KCNQ3: variants seen among roughly 807,000 people sequenced by gnomAD.
KCNQ3 encodes the protein potassium voltage-gated channel subfamily Q member 3.
Under a neutral mutation model 92.5 loss-of-function variants are expected in KCNQ3, and 30 were observed. The ratio of observed to expected loss-of-function variants is 0.32; its 90% CI spans 0.24 to 0.44. The LOEUF (loss-of-function observed/expected upper bound fraction) is 0.44. Ranked by LOEUF, KCNQ3 falls within the 20% of genes least tolerant of loss-of-function variation. The probability of loss-of-function intolerance (pLI) is 1.00; values close to 1 mark genes in which losing one functional copy is unlikely to be tolerated. For missense variants in KCNQ3, 913 were observed against 1,140.3 expected, an observed-to-expected ratio of 0.80 and a Z score of 2.87; for synonymous variants, 450 against 468.8, an observed-to-expected ratio of 0.96 and a Z score of 0.52.
intron 1 of KCNQ3, among the ~76,000 whole-genome samples, chr8:132,187,904 TGGTGGTGGTGGTGTTGGTGGTG>T (rs1827048823): frequency 1.1e-5 from 1 of 87,682 alleles, no homozygotes; most frequent in African/African-American, 6.4e-5. Flanking sequence ...GTGGTGGTGA[TGGTGGTGGTGGTGTTGGTGGTG>T]ATAGTGATGG....
intron 1 of KCNQ3, among the ~76,000 whole-genome samples, chr8:132,466,836 T>A (rs754258779): frequency 1.3e-5 from 2 of 152,168 alleles, no homozygotes; most frequent in Non-Finnish European, 2.9e-5. Flanking sequence ...AGTGTATCAG[T>A]ACTATTAACA....
intron 1 of KCNQ3, among the ~76,000 whole-genome samples, chr8:132,434,638 A>G (rs1027658886): frequency 6.6e-6 from 1 of 152,240 alleles, no homozygotes; most frequent in Admixed American, 6.5e-5. Flanking sequence ...CAAACTCAAA[A>G]GTTTTAAGCA....
chr8:132,336,597 G>A (rs541403200), intron 1 of KCNQ3, among the ~76,000 whole-genome samples: 11 of 152,272 alleles, frequency 7.2e-5, no homozygotes, highest in Admixed American at 4.6e-4. Context: ...GGATCCACGT[G>A]CCTAAACATT....
At chr8:132,304,120 T>A (rs1392753920) in intron 1 of KCNQ3, among the ~76,000 whole-genome samples, 2 of 152,022 alleles carry the variant, frequency 1.3e-5, no homozygotes, top group African/African-American at 2.4e-5. Flanking sequence ...ACACAGAGAA[T>A]GGAATAATAG....
intron 1 of KCNQ3, among the ~76,000 whole-genome samples, chr8:132,385,438 TC>T (rs1416209863): frequency 2.0e-5 from 3 of 152,124 alleles, no homozygotes; most frequent in Non-Finnish European, 4.4e-5. Context: ...GGAAACTCAA[TC>T]CCCAGTGCAG....
chr8:132,213,327 G>A (rs1813923039), intron 1 of KCNQ3, among the ~76,000 whole-genome samples: 1 of 152,130 alleles, frequency 6.6e-6, no homozygotes, highest in Non-Finnish European at 1.5e-5. Flanking sequence ...CCAAGGTGCC[G>A]CTCTCCTTCT....
chr8:132,432,290 A>G (rs997324097), intron 1 of KCNQ3, among the ~76,000 whole-genome samples: 4 of 151,338 alleles, frequency 2.6e-5, no homozygotes, highest in African/African-American at 9.7e-5. Context: ...TGGCAACTCA[A>G]CTCTCCAGTG....
chr8:132,209,509 T>C (rs762834294), intron 1 of KCNQ3, among the ~76,000 whole-genome samples: 2 of 151,470 alleles, frequency 1.3e-5, no homozygotes, highest in African/African-American at 4.9e-5. Flanking sequence ...CATTTTTTTG[T>C]ATAATGTACG....
At chr8:132,163,364 C>T in intron 9 of KCNQ3, 104 bp downstream of exon 9, 1 of 950,714 alleles carries the variant, frequency 1.1e-6, no homozygotes, top group Non-Finnish European at 1.7e-6. Context: ...AAGACTCTAT[C>T]TTGGGACCAG....
intron 1 of KCNQ3, among the ~76,000 whole-genome samples, chr8:132,455,725 C>G (rs1409868785): frequency 2.6e-5 from 4 of 152,146 alleles, no homozygotes; most frequent in African/African-American, 9.7e-5. Flanking sequence ...CACCGGCACC[C>G]TTAGAGGTGG....
At chr8:132,187,763 T>TGGTGGTAGTGATAGTGATGGTGGTGGC (rs1827024423) in intron 1 of KCNQ3, among the ~76,000 whole-genome samples, 4 of 149,472 alleles carry the variant, frequency 2.7e-5, no homozygotes, top group Non-Finnish European at 5.9e-5. Context: ...GTAGTGATGA[T>TGGTGGTAGTGATAGTGATGGTGGTGGC]GGTGGTAGTG....
At chr8:132,186,032 C>T (rs1826946066) in intron 2 of KCNQ3, 59 bp downstream of exon 2, 2 of 1,338,132 alleles carry the variant, frequency 1.5e-6, no homozygotes, top group African/African-American at 1.4e-5. Context: ...CAAGGGCAAC[C>T]TCCTTTTCAT....
intron 13 of KCNQ3, among the ~76,000 whole-genome samples, chr8:132,133,354 C>CTTTTTTTTTT (rs10673519): frequency 2.5e-4 from 26 of 103,488 alleles, no homozygotes; most frequent in Non-Finnish European, 4.2e-4. Context: ...GCTCTCGATT[C>CTTTTTTTTTT]TTTTTTTTTT....
In KCNQ3 at chr8:132,379,291, G is replaced by A. The variant is rs148619848; in HGVS notation, c.386+100856C>T. Among the ~76,000 whole-genome samples the A allele has an allele frequency of 3.6e-3, 483 of 135,252 alleles. 3 individuals carry two copies. The highest frequency in any genetic ancestry group is 0.015 in the African/African-American group (451 of 30,762). The allele number at this position is 135,252 out of a possible 152,430, so 88.7% of individuals were successfully genotyped here. A position where few individuals can be genotyped will look rare whatever the true frequency, so the allele number is the denominator to read the frequency against. ...ATCCTTGTGACAAATTTCTGTAGTC[G>A]AAATGATTAGCTCTATTTTTTTTTC... On this transcript the variant is annotated intron_variant, in intron 1 of 14. Transcript: ENST00000388996.
At position 132,129,875 on chromosome 8, in the gene KCNQ3, G is replaced by C. The variant is rs374622605; in HGVS notation, c.2006C>G (p.Ala669Gly). Residue 669 changes from alanine (A) to glycine (G), a missense_variant, in exon 15 of 15, where the codon GCA becomes GGA. Physicochemically the swap from Ala to Gly is moderately conservative, Grantham distance 60. Around this residue, in one of 6 missense-constraint regions of KCNQ3, gnomAD observed 375 missense variants for 376.4 expected, o/e 1.00. Transcript: ENST00000388996. The surrounding 1 kb of genome is among the most constrained non-coding windows in gnomAD (Gnocchi z 5.9). ...PTKGTSSPAE[A>G]EKKEDNRYSD... is the part of the protein sequence containing the mutation. Reference sequence around the variant, plus strand: ...ATACCTGTTGTCCTCCTTCTTCTCTGCTTCAGCTGGCGAGGAGGTGCCCTT... The same window carrying C: ...ATACCTGTTGTCCTCCTTCTTCTCTCCTTCAGCTGGCGAGGAGGTGCCCTT... 7 of 1,614,006 alleles carry C rather than the reference G, an allele frequency of 4.3e-6. No individual in the cohort carries two copies. The highest frequency in any genetic ancestry group is 5.9e-6 in the Non-Finnish European group (7 of 1,180,016).
At position 132,128,940 on chromosome 8, in the gene KCNQ3, T is replaced by C; in HGVS notation, c.*322A>G. The C allele has an allele frequency of 3.1e-6, 1 of 318,826 alleles. No individual in the cohort carries two copies. The highest frequency in any genetic ancestry group is 5.8e-6 in the Non-Finnish European group (1 of 171,364). 19.7% of individuals were successfully genotyped at this position (318,826 alleles called of 1,614,324 possible). On this transcript the variant is annotated 3_prime_UTR_variant, in exon 15 of 15. Coordinates refer to ENST00000388996, the MANE Select transcript of KCNQ3 (RefSeq NM_004519.4). ...CAGCCAACCAAACAGACAAATAGCA[T>C]GGCTCATCAGTAATTTCTCCCTGTA...
rs1393085163 is a variant in KCNQ3 at position 132,138,003 on chromosome 8, G to A, written c.1582C>T (p.Arg528Cys). 8.7e-6 allele frequency: 14 copies of A among 1,610,900 alleles called. No homozygotes were observed. Among genetic ancestry groups the A allele is most frequent in the Middle Eastern group, 3.3e-4 (2 of 6,060 alleles). Residue 528 changes from arginine (R) to cysteine (C), a missense_variant, in exon 12 of 15, where the codon CGT becomes TGT. Arg to Cys is a radical substitution (Grantham distance 180, BLOSUM62 -3). Transcript: ENST00000388996. ...AIRAVRILQF[R>C]LYKKKFKETL... ...TCCTTGAATTTTTTTTTATAGAGAC[G>A]GAATTGTAGAATTCTGCAAGGCAAA...
chr8:132,454,216 A>C (rs1266301866), intron 1 of KCNQ3, among the ~76,000 whole-genome samples: 1 of 152,106 alleles, frequency 6.6e-6, no homozygotes, highest in Non-Finnish European at 1.5e-5. Context: ...CTGGGAGAGA[A>C]AGCATGGGCC....
At position 132,124,157 on chromosome 8, in the gene KCNQ3, T is replaced by C. The variant is rs1824586502; in HGVS notation, c.*5105A>G. On this transcript the variant is annotated 3_prime_UTR_variant, in exon 15 of 15. Transcript: ENST00000388996. ...TCATTCCAAGATTCCTTCTGTTCTTTATTGTGGTAGACAAGAGCAAGCATT... is the reference window on the plus strand; with the variant it reads ...TCATTCCAAGATTCCTTCTGTTCTTCATTGTGGTAGACAAGAGCAAGCATT... The C allele has an allele frequency of 6.6e-6, 1 of 152,250 alleles. No homozygotes were observed. Among genetic ancestry groups the C allele is most frequent in the African/African-American group, 2.4e-5 (1 of 41,466 alleles). The allele number at this position is 152,250 out of a possible 1,614,324, so 9.4% of individuals were successfully genotyped here. A position where few individuals can be genotyped will look rare whatever the true frequency, so the allele number is the denominator to read the frequency against.
Sources: allele counts gnomAD v4.1 joint callset (sites outside exome capture counted in the v4.1 genomes callset), GRCh38; gene constraint gnomAD v4.1.1; regional missense constraint gnomAD v4.1.1; non-coding constraint Gnocchi (gnomAD v3.1); transcripts MANE v1.5; gene names NCBI Gene and HGNC (gene_info 2026-07-23, HGNC 2026-07-21).